Variants in PDE7A observed in about 807,000 individuals in gnomAD.
PDE7A encodes the protein phosphodiesterase 7A, also known as high affinity 3',5'-cyclic-AMP phosphodiesterase 7A.
A neutral mutation model predicts 64.3 loss-of-function variants in PDE7A; 39 were observed. That is an observed-to-expected ratio of 0.61 (90% CI 0.47 to 0.79). PDE7A has a LOEUF of 0.79. Ranked by LOEUF, PDE7A falls within the 30% of genes least tolerant of loss-of-function variation. The pLI, the probability that PDE7A is intolerant of heterozygous loss-of-function variation, is 0.00. For synonymous variants in PDE7A, 203 were observed against 206.8 expected, an observed-to-expected ratio of 0.98 and a Z score of 0.16; for missense variants, 470 against 582.8, an observed-to-expected ratio of 0.81 and a Z score of 1.99.
chr8:65,730,766 A>G (rs2128895389), intron 7 of PDE7A, among the ~76,000 whole-genome samples: 1 of 152,166 alleles, frequency 6.6e-6, no homozygotes. Context: ...CATCTCTACT[A>G]AAAACACAAA....
At chr8:65,772,105 T>G (rs1296838894) in intron 3 of PDE7A, among the ~76,000 whole-genome samples, 1 of 151,844 alleles carries the variant, frequency 6.6e-6, no homozygotes, top group African/African-American at 2.4e-5. Context: ...ATTTAAGCAA[T>G]GAAAGAACAG....
chr8:65,785,834 T>C (rs948115871), intron 1 of PDE7A, among the ~76,000 whole-genome samples: 1 of 108,996 alleles, frequency 9.2e-6, no homozygotes, highest in Non-Finnish European at 1.8e-5. Flanking sequence ...ATTATTATTA[T>C]GATTTTTTTT....
chr8:65,760,978 T>C (rs1453835591), intron 3 of PDE7A, among the ~76,000 whole-genome samples: 1 of 152,150 alleles, frequency 6.6e-6, no homozygotes, highest in Non-Finnish European at 1.5e-5. Context: ...AGAATTTAAC[T>C]AGTACTTTCA....
At chr8:65,770,468 T>G (rs908922447) in intron 3 of PDE7A, among the ~76,000 whole-genome samples, 1 of 152,062 alleles carries the variant, frequency 6.6e-6, no homozygotes, top group African/African-American at 2.4e-5. Flanking sequence ...ACGAGAACAG[T>G]ATGGGGGAGA....
rs1179431555 is a variant in PDE7A, at chr8:65,730,171, CTTTT to C, written c.697-2874_697-2871del. ...TGTGAGGGATCCAGGTTGCGCACTT[CTTTT>C]TTTTTTTTTTTTTTTTTTTTTTGAG... On this transcript the variant is annotated intron_variant, in intron 7 of 12. Coordinates refer to ENST00000401827, the MANE Select transcript of PDE7A (RefSeq NM_001242318.3). Among the ~76,000 whole-genome samples, 64 of 86,446 alleles carry C rather than the reference CTTTT, an allele frequency of 7.4e-4. 6 individuals carry two copies. Among genetic ancestry groups the C allele is most frequent in the African/African-American group, 1.8e-3 (38 of 20,938 alleles). 56.7% of individuals were successfully genotyped at this position (86,446 alleles called of 152,430 possible).
Position 65,760,779 on chromosome 8 carries a change from G to A in PDE7A, c.284-12976C>T, listed in dbSNP as rs1011407716. Among the ~76,000 whole-genome samples the A allele has an allele frequency of 1.2e-4, 18 of 152,150 alleles. 1 individual carries two copies. ...TTGGAAAAGCCTAGACTCCTATTAT[G>A]GGGAAAGGAAGGAGGGTAGTGCTGG... On this transcript the variant is annotated intron_variant, in intron 3 of 12. Coordinates refer to ENST00000401827, the MANE Select transcript of PDE7A (RefSeq NM_001242318.3).
chr8:65,821,484 G>T (rs1810540774), intron 1 of PDE7A, among the ~76,000 whole-genome samples: 1 of 152,142 alleles, frequency 6.6e-6, no homozygotes, highest in African/African-American at 2.4e-5. Flanking sequence ...TAAAAATATA[G>T]CCAATTTATA....
intron 1 of PDE7A, among the ~76,000 whole-genome samples, chr8:65,824,626 T>G (rs1243982236): frequency 6.6e-6 from 1 of 152,194 alleles, no homozygotes; most frequent in Non-Finnish European, 1.5e-5. Flanking sequence ...CCCACCCTGA[T>G]CAGTCAGCAG....
At chr8:65,734,719 C>T in intron 7 of PDE7A, 75 bp downstream of exon 7, 1 of 821,702 alleles carries the variant, frequency 1.2e-6, no homozygotes, top group East Asian at 2.5e-5. Flanking sequence ...GCAGTAACTT[C>T]AGGAGAAGTA....
In PDE7A at chr8:65,841,647, C is replaced by A. The variant is rs994685405; in HGVS notation, c.-139G>T. 4 of 208,796 alleles carry A rather than the reference C, an allele frequency of 1.9e-5. No homozygotes were observed. Among genetic ancestry groups the A allele is most frequent in the Admixed American group, 1.8e-4 (3 of 16,328 alleles). 12.9% of individuals were successfully genotyped at this position (208,796 alleles called of 1,614,324 possible). A position where few individuals can be genotyped will look rare whatever the true frequency, so the allele number is the denominator to read the frequency against. On this transcript the variant is annotated 5_prime_UTR_variant, in exon 1 of 13. Transcript: ENST00000401827. ...CGGGGACCGACCCCGGGCTGGGAAG[C>A]CGCGCTCACGCCTCCCCAACCCCAG...
At chr8:65,775,483 C>T (rs1381962798) in intron 3 of PDE7A, among the ~76,000 whole-genome samples, 2 of 152,194 alleles carry the variant, frequency 1.3e-5, no homozygotes, top group African/African-American at 2.4e-5. Flanking sequence ...TTAATTATCA[C>T]GTTTTTATGG....
At chr8:65,724,215 G>C in intron 11 of PDE7A, 40 bp downstream of exon 11, 1 of 1,271,302 alleles carries the variant, frequency 7.9e-7, no homozygotes, top group Non-Finnish European at 1.1e-6. Flanking sequence ...AAAAAAAAAT[G>C]AACTGGATAG....
rs1030242145 is a variant in PDE7A at position 65,715,379 on chromosome 8, G to T, written c.*3911C>A. Reference sequence around the variant, plus strand: ...AGAGAGACCCTGTCTCTATAAAAAAGTTTTTTTTTTTTTTTTGAGACAGAG... The same window carrying T: ...AGAGAGACCCTGTCTCTATAAAAAATTTTTTTTTTTTTTTTTGAGACAGAG... On this transcript the variant is annotated 3_prime_UTR_variant, in exon 13 of 13. Coordinates refer to ENST00000401827, the MANE Select transcript of PDE7A (RefSeq NM_001242318.3). Among the ~76,000 whole-genome samples, 6 of 133,386 alleles carry T rather than the reference G, an allele frequency of 4.5e-5. No individual in the cohort carries two copies. Among genetic ancestry groups the T allele is most frequent in the Non-Finnish European group, 8.2e-5 (5 of 60,968 alleles). The allele number at this position is 133,386 out of a possible 152,430, so 87.5% of individuals were successfully genotyped here. A position where few individuals can be genotyped will look rare whatever the true frequency, so the allele number is the denominator to read the frequency against.
chr8:65,818,967 A>G (rs551102872), intron 1 of PDE7A, among the ~76,000 whole-genome samples: 2 of 152,186 alleles, frequency 1.3e-5, no homozygotes, highest in East Asian at 3.9e-4. Flanking sequence ...GAATTGGGGG[A>G]ATGTGAGTAG....
At chr8:65,771,856 C>T (rs1291568977) in intron 3 of PDE7A, among the ~76,000 whole-genome samples, 2 of 117,000 alleles carry the variant, frequency 1.7e-5, no homozygotes, top group Non-Finnish European at 3.2e-5. Context: ...GCCTGGGCAA[C>T]AGATCGAGAC....
chr8:65,829,290 A>C (rs1343115395), intron 1 of PDE7A, among the ~76,000 whole-genome samples: 1 of 152,128 alleles, frequency 6.6e-6, no homozygotes, highest in Non-Finnish European at 1.5e-5. Context: ...CATAAATCAC[A>C]TTTCAACAAA....
Position 65,841,597 on chromosome 8 carries a change from C to CGGGCCGAGACGGGGGCAGGGCGGGCGG in PDE7A, c.-116_-90dup. 2 of 527,470 alleles carry CGGGCCGAGACGGGGGCAGGGCGGGCGG rather than the reference C, an allele frequency of 3.8e-6. No homozygotes were observed. The highest frequency in any genetic ancestry group is 4.2e-5 in the African/African-American group (2 of 47,714). 32.7% of individuals were successfully genotyped at this position (527,470 alleles called of 1,614,324 possible). On this transcript the variant is annotated 5_prime_UTR_variant, in exon 1 of 13. Transcript: ENST00000401827. ...GGAGGGGGCCGCGGCTCGGGGGCTC[C>CGGGCCGAGACGGGGGCAGGGCGGGCGG]GGGCCGAGACGGGGGCAGGGCGGGC...
chr8:65,754,292 G>A (rs189517277), intron 3 of PDE7A, among the ~76,000 whole-genome samples: 2 of 152,014 alleles, frequency 1.3e-5, no homozygotes, highest in East Asian at 3.9e-4. Flanking sequence ...CAGCCCACTC[G>A]CTCAAATGTT....
At chr8:65,781,727 T>C (rs1585913437) in intron 2 of PDE7A, among the ~76,000 whole-genome samples, 1 of 152,174 alleles carries the variant, frequency 6.6e-6, no homozygotes, top group East Asian at 1.9e-4. Context: ...AACACAAATG[T>C]TTTGCTTTAG....
Sources: gnomAD v4.1 joint callset for allele counts (sites outside exome capture counted in the v4.1 genomes callset) on GRCh38, gnomAD v4.1.1 for gene constraint, MANE v1.5 for transcripts, NCBI Gene and HGNC (gene_info 2026-07-23, HGNC 2026-07-21) for gene names.